The following FAM20A variants were observed in gnomAD, a reference collection of about 807,000 sequenced individuals.
FAM20A encodes the protein pseudokinase FAM20A.
A neutral mutation model predicts 52.0 loss-of-function variants in FAM20A; 42 were observed. That is an observed-to-expected ratio of 0.81 (90% confidence interval 0.63 to 1.04). The LOEUF is 1.04. FAM20A is among the 50% of genes least tolerant of loss of function. The probability of loss-of-function intolerance (pLI) is 0.00; values close to 1 mark genes in which losing one functional copy is unlikely to be tolerated. For missense variants in FAM20A, 742 were observed against 712.7 expected (o/e 1.04, Z -0.47); for synonymous variants, 304 against 298.9 (o/e 1.02, Z -0.18).
rs951670102 is a variant in FAM20A at position 68,600,683 on chromosome 17, G to A, written c.-17C>T. On this transcript the variant is annotated 5_prime_UTR_variant, in exon 1 of 11. Transcript: ENST00000592554. This position sits in a 1 kb window ranked among gnomAD's most constrained non-coding sequence, Gnocchi z 6.2. ...CCCCGGCATGGCGTGCTGGCCAAGG[G>A]GGACGCCGGGGGCAGGCCGGCTGTC... The A allele has an allele frequency of 6.5e-7, 1 of 1,532,282 alleles. No individual in the cohort carries two copies. The highest frequency in any genetic ancestry group is 8.7e-7 in the Non-Finnish European group (1 of 1,145,818). 94.9% of individuals were successfully genotyped at this position (1,532,282 alleles called of 1,614,324 possible).
intron 1 of FAM20A, among the ~76,000 whole-genome samples, chr17:68,593,106 T>G (rs1035355288): frequency 1.3e-5 from 2 of 152,250 alleles, no homozygotes; most frequent in Admixed American, 1.3e-4. Flanking sequence ...TTTCATTAAG[T>G]GCATATGTGT....
rs372359079 is a variant in FAM20A at position 68,568,469 on chromosome 17, A to AAAATAAAT, written c.405-12734_405-12727dup. On this transcript the variant is annotated intron_variant, in intron 1 of 10. Coordinates refer to ENST00000592554, the MANE Select transcript of FAM20A (RefSeq NM_017565.4). Reference sequence around the variant, plus strand: ...GGTGACAGAGCGAGACTCCATCTCTAAAATAAATAAATAAATAAATAAATA... The same window carrying AAAATAAAT: ...GGTGACAGAGCGAGACTCCATCTCTAAAATAAATAAATAAATAAATAAATAAATAAATA... 2.9e-3 allele frequency among the ~76,000 whole-genome samples: 439 copies of AAAATAAAT among 151,120 alleles called. 7 individuals are homozygous for AAAATAAAT. The highest frequency in any genetic ancestry group is 9.2e-3 in the African/African-American group (373 of 40,714).
intron 1 of FAM20A, among the ~76,000 whole-genome samples, chr17:68,561,092 GACTTC>G (rs1324115909): frequency 6.6e-6 from 1 of 152,002 alleles, no homozygotes; most frequent in African/African-American, 2.4e-5. Context: ...TCAATCTTTT[GACTTC>G]ACTTATGGTG....
In FAM20A at chr17:68,600,379, G is replaced by A; in HGVS notation, c.288C>T (p.Phe96=). 6.2e-7 allele frequency: 1 copy of A among 1,606,954 alleles called. No individual in the cohort carries two copies. The highest frequency in any genetic ancestry group is 8.5e-7 in the Non-Finnish European group (1 of 1,177,570). Residue 96 remains phenylalanine, a synonymous_variant, in exon 1 of 11, where the codon TTC becomes TTT. Coordinates refer to ENST00000592554, the MANE Select transcript of FAM20A (RefSeq NM_017565.4). The surrounding 1 kb of genome is among the most constrained non-coding windows in gnomAD (Gnocchi z 6.2). ...CCGGGACGTTGTACAGCGGGTGGGC[G>A]AAGAGGGCCTGCAACTTGGAGCTCG... is the stretch of plus-strand genomic sequence containing the variant. ...SGSSSKLQAL[F]AHPLYNVPEE... is the part of the protein sequence containing the mutation.
At chr17:68,551,154 A>G in intron 4 of FAM20A, 1 of 1,230,854 alleles carries the variant, frequency 8.1e-7, no homozygotes, top group Non-Finnish European at 1.0e-6. Context: ...AGGAGACCCT[A>G]ACCTGTGGGC....
At chr17:68,572,024 ATATATAT>A (rs1568762703) in intron 1 of FAM20A, among the ~76,000 whole-genome samples, 3 of 118,178 alleles carry the variant, frequency 2.5e-5, no homozygotes, top group Non-Finnish European at 3.5e-5. Context: ...ATATATATAT[ATATATAT>A]ATATATATAT....
Position 68,537,427 on chromosome 17 carries a change from C to G in FAM20A, c.*50G>C, listed in dbSNP as rs776401661. 47 of 1,612,434 alleles carry G rather than the reference C, an allele frequency of 2.9e-5. No individual in the cohort carries two copies. The South Asian group carries it at 5.0e-4, about 17-fold the overall frequency. ...GAGGACGCAGGGTCGGCACTCGAGT[C>G]GACTGCTCTGGCTCCAGGCGTATTT... is the stretch of plus-strand genomic sequence containing the variant. On this transcript the variant is annotated 3_prime_UTR_variant, in exon 11 of 11. Coordinates refer to ENST00000592554, the MANE Select transcript of FAM20A (RefSeq NM_017565.4). This position sits in a 1 kb window ranked among gnomAD's most constrained non-coding sequence, Gnocchi z 4.2.
At chr17:68,571,192 G>A (rs80278381) in intron 1 of FAM20A, among the ~76,000 whole-genome samples, 2 of 152,152 alleles carry the variant, frequency 1.3e-5, no homozygotes, top group African/African-American at 4.8e-5. Flanking sequence ...ACCATCAGAA[G>A]AGAAATGGAA....
chr17:68,540,994 C>A (rs1446433239), intron 7 of FAM20A, 36 bp from the exon 8 acceptor site: 1 of 1,555,518 alleles, frequency 6.4e-7, no homozygotes, highest in African/African-American at 1.4e-5. Flanking sequence ...CTGGAAAAGC[C>A]AAGATGGCAG....
intron 1 of FAM20A, among the ~76,000 whole-genome samples, chr17:68,581,245 C>T (rs1199775258): frequency 6.6e-6 from 1 of 152,146 alleles, no homozygotes; most frequent in Non-Finnish European, 1.5e-5. Context: ...GGACACAAAT[C>T]TCTTCTCAAA....
At chr17:68,560,996 G>C (rs2143744197) in intron 1 of FAM20A, among the ~76,000 whole-genome samples, 1 of 152,244 alleles carries the variant, frequency 6.6e-6, no homozygotes. Context: ...TTTGTATTGA[G>C]TTGTTAGTCT....
chr17:68,579,463 A>AG (rs767072269), intron 1 of FAM20A, among the ~76,000 whole-genome samples: 2 of 152,134 alleles, frequency 1.3e-5, no homozygotes, highest in Non-Finnish European at 1.5e-5. Flanking sequence ...AACAGAAAAG[A>AG]GGGCCTAGAG....
chr17:68,555,227 T>C (rs1363974613), intron 2 of FAM20A, among the ~76,000 whole-genome samples: 2 of 152,234 alleles, frequency 1.3e-5, no homozygotes, highest in East Asian at 3.8e-4. Flanking sequence ...TGTCTCAGTT[T>C]CCCTGTCTGT....
chr17:68,540,008 G>C (rs568611810), intron 8 of FAM20A, 42 bp from the exon 9 acceptor site: 2 of 1,570,764 alleles, frequency 1.3e-6, no homozygotes, highest in African/African-American at 2.7e-5. Flanking sequence ...AGCAGGCCAG[G>C]GGGACAGGTG....
intron 1 of FAM20A, among the ~76,000 whole-genome samples, chr17:68,575,650 T>A (rs1450875353): frequency 8.6e-6 from 1 of 115,706 alleles, no homozygotes; most frequent in Non-Finnish European, 1.7e-5. Context: ...ATATTATATT[T>A]TATATATATT....
intron 4 of FAM20A, among the ~76,000 whole-genome samples, chr17:68,545,773 A>G (rs2086526335): frequency 1.3e-5 from 2 of 152,204 alleles, no homozygotes; most frequent in Non-Finnish European, 2.9e-5. Context: ...AAGTTTGCAT[A>G]ATATTCTAAA....
At chr17:68,543,030 T>C (rs528538226) in intron 5 of FAM20A, among the ~76,000 whole-genome samples, 16 of 152,260 alleles carry the variant, frequency 1.1e-4, no homozygotes, top group Admixed American at 8.5e-4. Flanking sequence ...TGAATCCTTA[T>C]TCCGTCAAGC....
intron 3 of FAM20A, among the ~76,000 whole-genome samples, chr17:68,553,632 A>G (rs1169388535): frequency 1.3e-5 from 2 of 152,044 alleles, no homozygotes; most frequent in African/African-American, 2.4e-5. Context: ...AACTCTGGCT[A>G]TATTAGAATC....
intron 1 of FAM20A, among the ~76,000 whole-genome samples, chr17:68,588,054 A>G (rs1466429053): frequency 6.6e-6 from 1 of 152,138 alleles, no homozygotes; most frequent in Non-Finnish European, 1.5e-5. Context: ...CAGCATCTGC[A>G]GCCTTGGTAG....
Sources: allele counts gnomAD v4.1 joint callset (sites outside exome capture counted in the v4.1 genomes callset), GRCh38; gene constraint gnomAD v4.1.1; non-coding constraint Gnocchi (gnomAD v3.1); transcripts MANE v1.5; gene names NCBI Gene and HGNC (gene_info 2026-07-23, HGNC 2026-07-21).